The following FLT3 variants were observed in gnomAD, a reference collection of about 807,000 sequenced individuals.
FLT3 encodes fms related receptor tyrosine kinase 3, also known as receptor-type tyrosine-protein kinase FLT3.
In FLT3, 46 loss-of-function variants were observed where a neutral mutation model predicts 126.6. The ratio of observed to expected loss-of-function variants is 0.36; its 90% CI spans 0.29 to 0.46. The LOEUF is 0.46. Ranked by LOEUF, FLT3 falls within the 20% of genes least tolerant of loss-of-function variation. FLT3 has a pLI of 1.00. For missense variants in FLT3, 1,069 were observed against 1,190.3 expected (o/e 0.90, Z 1.50); for synonymous variants, 404 against 434.4 (o/e 0.93, Z 0.87).
At chr13:28,025,645 C>T (rs552548591) in intron 17 of FLT3, among the ~76,000 whole-genome samples, 44 of 152,210 alleles carry the variant, frequency 2.9e-4, no homozygotes, top group East Asian at 1.2e-3. Flanking sequence ...GTGAACAGAA[C>T]GAATCAAAGG....
At position 28,100,459 on chromosome 13, in the gene FLT3, G is replaced by A; in HGVS notation, c.43+9C>T. 2 of 1,217,640 alleles carry A rather than the reference G, an allele frequency of 1.6e-6. No individual in the cohort carries two copies. The highest frequency in any genetic ancestry group is 2.0e-6 in the Non-Finnish European group (2 of 978,918). The allele number at this position is 1,217,640 out of a possible 1,614,324, so 75.4% of individuals were successfully genotyped here. Reference sequence around the variant, plus strand: ...GCGAGGGGCTGCGAGCGAGCGAGCGGGGCCTTACCGAGCAGCGGCAGCTGG... The same window carrying A: ...GCGAGGGGCTGCGAGCGAGCGAGCGAGGCCTTACCGAGCAGCGGCAGCTGG... On this transcript the variant is annotated intron_variant, in intron 1 of 23. Transcript: ENST00000241453. This position sits in a 1 kb window ranked among gnomAD's most constrained non-coding sequence, Gnocchi z 4.8.
intron 21 of FLT3, 26 bp from the exon 22 acceptor site, chr13:28,015,282 G>A (rs760803197): frequency 7.3e-7 from 1 of 1,375,868 alleles, no homozygotes; most frequent in Non-Finnish European, 1.0e-6. Context: ...GACAATTGCA[G>A]CCATTCATCC....
intron 1 of FLT3, among the ~76,000 whole-genome samples, chr13:28,099,179 G>A (rs1222958278): frequency 1.3e-5 from 2 of 152,078 alleles, no homozygotes; most frequent in African/African-American, 4.8e-5. Context: ...CTTAAATATC[G>A]TTGCAAGTAT....
intron 20 of FLT3, among the ~76,000 whole-genome samples, chr13:28,017,835 T>C (rs1442836818): frequency 6.6e-6 from 1 of 152,078 alleles, no homozygotes; most frequent in Admixed American, 6.5e-5. Flanking sequence ...CAGCTAATTT[T>C]TTGTATTTTC....
intron 1 of FLT3, among the ~76,000 whole-genome samples, chr13:28,072,575 T>C (rs1033504068): frequency 6.6e-6 from 1 of 152,198 alleles, no homozygotes; most frequent in Non-Finnish European, 1.5e-5. Flanking sequence ...TTTCGTGTTT[T>C]TAGTAGAGAC....
intron 1 of FLT3, chr13:28,073,372 A>C: frequency 2.5e-6 from 1 of 400,342 alleles, no homozygotes; most frequent in Non-Finnish European, 4.9e-6. Flanking sequence ...AAAAAAAAGC[A>C]TTTTTTACTG....
At chr13:28,060,036 T>C (rs1000592829) in intron 3 of FLT3, among the ~76,000 whole-genome samples, 14 of 151,790 alleles carry the variant, frequency 9.2e-5, no homozygotes, top group African/African-American at 3.1e-4. Flanking sequence ...CTAACAAGAA[T>C]GAAATGAAAA....
At chr13:28,028,849 T>C (rs748432034) in intron 15 of FLT3, among the ~76,000 whole-genome samples, 8 of 150,026 alleles carry the variant, frequency 5.3e-5, no homozygotes, top group Non-Finnish European at 1.2e-4. Flanking sequence ...TGACATGATC[T>C]CAGCTTACTG....
intron 9 of FLT3, among the ~76,000 whole-genome samples, chr13:28,045,062 G>A (rs1300163404): frequency 2.0e-5 from 3 of 152,174 alleles, no homozygotes; most frequent in Admixed American, 2.0e-4. Flanking sequence ...GGAGTCAGGA[G>A]CTCACCTAAT....
At chr13:28,070,426 A>G (rs1017524291) in intron 2 of FLT3, 65 bp downstream of exon 2, 2 of 1,419,290 alleles carry the variant, frequency 1.4e-6, no homozygotes, top group African/African-American at 2.8e-5. Flanking sequence ...GGTAGGCTTC[A>G]ATAACTTACA....
chr13:28,028,827 G>A (rs1873057310), intron 15 of FLT3, among the ~76,000 whole-genome samples: 1 of 147,268 alleles, frequency 6.8e-6, no homozygotes, highest in South Asian at 2.1e-4. Context: ...TGTCACCCAG[G>A]CTGGAGTGTA....
At chr13:28,077,118 AAAGAG>A (rs1293226821) in intron 1 of FLT3, among the ~76,000 whole-genome samples, 1 of 69,894 alleles carries the variant, frequency 1.4e-5, no homozygotes, top group Non-Finnish European at 4.0e-5. Context: ...AGAGAGAAAG[AAAGAG>A]AAAAGAAAGA....
chr13:28,043,997 C>G (rs952468445), intron 9 of FLT3, among the ~76,000 whole-genome samples: 4 of 151,128 alleles, frequency 2.6e-5, no homozygotes, highest in Non-Finnish European at 4.4e-5. Context: ...GTAATCCCAG[C>G]TACTCGAGAG....
chr13:28,042,259 A>G (rs1409722458), intron 9 of FLT3, among the ~76,000 whole-genome samples: 1 of 151,490 alleles, frequency 6.6e-6, no homozygotes, highest in African/African-American at 2.4e-5. Context: ...GTTAGTTAAA[A>G]TAAAAATTTC....
At chr13:28,033,706 G>C (rs1456835091) in intron 15 of FLT3, among the ~76,000 whole-genome samples, 181 bp downstream of exon 15, 1 of 152,118 alleles carries the variant, frequency 6.6e-6, no homozygotes. Context: ...GTGGAGTTTT[G>C]TATTTATGAC....
chr13:28,090,644 G>A (rs1878975528), intron 1 of FLT3, among the ~76,000 whole-genome samples: 2 of 152,006 alleles, frequency 1.3e-5, no homozygotes, highest in African/African-American at 2.4e-5. Context: ...CTAGTGTGGT[G>A]GTGCACACCT....
At chr13:28,063,331 T>C (rs1259694664) in intron 2 of FLT3, among the ~76,000 whole-genome samples, 1 of 151,990 alleles carries the variant, frequency 6.6e-6, no homozygotes, top group Non-Finnish European at 1.5e-5. Context: ...ATACAAAAAA[T>C]TAGCTGGGTG....
At chr13:28,042,146 A>AAATAAT (rs57260336) in intron 9 of FLT3, among the ~76,000 whole-genome samples, 2,728 of 134,674 alleles carry the variant, frequency 0.02, 33 homozygotes, top group African/African-American at 0.026. Context: ...CCTCCATCCG[A>AAATAAT]AATAATAATA....
intron 9 of FLT3, among the ~76,000 whole-genome samples, chr13:28,043,883 G>A (rs1874606521): frequency 6.6e-6 from 1 of 152,034 alleles, no homozygotes; most frequent in Non-Finnish European, 1.5e-5. Flanking sequence ...AGGGCAAGGC[G>A]GGCAGATCAC....
Sources: gnomAD v4.1 joint callset for allele counts (sites outside exome capture counted in the v4.1 genomes callset) on GRCh38, gnomAD v4.1.1 for gene constraint, Gnocchi (gnomAD v3.1) non-coding constraint, MANE v1.5 for transcripts, NCBI Gene and HGNC (gene_info 2026-07-23, HGNC 2026-07-21) for gene names.